The following ERMP1 variants were observed in gnomAD, a reference collection of about 807,000 sequenced individuals.
ERMP1 encodes the protein endoplasmic reticulum metallopeptidase 1.
A neutral mutation model predicts 92.0 loss-of-function variants in ERMP1; 86 were observed. The observed-to-expected ratio is 0.93, with a 90% CI of 0.79 to 1.12. The LOEUF (loss-of-function observed/expected upper bound fraction) is 1.12. Ranked by LOEUF, ERMP1 falls within the 50% of genes most tolerant of loss-of-function variation. The pLI, the probability that ERMP1 is intolerant of heterozygous loss-of-function variation, is 0.00. For missense variants in ERMP1, 1,342 were observed against 1,116.3 expected (o/e 1.20, Z -2.88); for synonymous variants, 530 against 412.8 (o/e 1.28, Z -3.44).
At chr9:5,834,743 G>GTGTGTGTGTA (rs969028907), upstream of ERMP1, among the ~76,000 whole-genome samples, 2 of 147,210 alleles carry the variant, frequency 1.4e-5, no homozygotes, top group African/African-American at 5.2e-5. Flanking sequence ...GTGTGTGTGT[G>GTGTGTGTGTA]TGTATGTCTG....
At chr9:5,847,257 G>A (rs10815292) in intron 6 of ERMP1, among the ~76,000 whole-genome samples, 72,205 of 151,914 alleles carry the variant, frequency 0.48, 20,203 homozygotes, top group South Asian at 0.67. Context: ...TGTGATGCTC[G>A]ATGTGGATGA....
chr9:5,832,962 T>C lies in ERMP1; in HGVS notation c.66A>G (p.Gly22=). 1 of 1,565,830 alleles carries C rather than the reference T, an allele frequency of 6.4e-7. No individual in the cohort carries two copies. The highest frequency in any genetic ancestry group is 8.6e-7 in the Non-Finnish European group (1 of 1,166,946). ...TCTCCGGCGGTGGCGCGGCCGCCGC[T>C]CCCTCTCGACGCTCTACTCCGACGC... The part of the protein sequence containing the change: ...RHRVGVERRE[G]AAAAPPPERE... The change falls in exon 1 of 15, where the codon GGA becomes GGG. Residue 22 remains glycine (G), a synonymous_variant. Transcript: ENST00000339450.
intron 5 of ERMP1, among the ~76,000 whole-genome samples, chr9:5,862,096 C>T (rs527877718): frequency 6.6e-6 from 1 of 152,260 alleles, no homozygotes; most frequent in South Asian, 2.1e-4. Flanking sequence ...GTGACACAAT[C>T]ATGGCTCACT....
chr9:5,831,144 T>G (rs1829923449), intron 1 of ERMP1, 116 bp from the exon 2 acceptor site: 5 of 705,798 alleles, frequency 7.1e-6, no homozygotes, highest in Non-Finnish European at 1.2e-5. Context: ...TTGCCTTATA[T>G]AAAAGGGACC....
intron 6 of ERMP1, among the ~76,000 whole-genome samples, chr9:5,844,586 A>G (rs1830211809): frequency 6.6e-6 from 1 of 152,076 alleles, no homozygotes; most frequent in Non-Finnish European, 1.5e-5. Context: ...AGCAGAGAAG[A>G]TTACAGTCAA....
rs1829530381 is a variant in ERMP1, at chr9:5,821,365, A to G, written c.874+2531T>C. Among the ~76,000 whole-genome samples the G allele has an allele frequency of 2.0e-5, 3 of 152,196 alleles. No individual in the cohort carries two copies. In the South Asian group the frequency reaches 6.2e-4, roughly 31 times the overall value. ...TTCTACCAGCAACTGCTCACCATCC[A>G]GCTAGGAGCATTATTAACAGTTTGT... On this transcript the variant is annotated intron_variant, in intron 4 of 14. Transcript: ENST00000339450.
At chr9:5,859,372 T>C (rs1467332112) in intron 6 of ERMP1, among the ~76,000 whole-genome samples, 3 of 152,078 alleles carry the variant, frequency 2.0e-5, no homozygotes, top group African/African-American at 7.2e-5. Flanking sequence ...AAGAACCATA[T>C]AGGATAATTA....
At chr9:5,846,172 A>C (rs545817935) in intron 6 of ERMP1, among the ~76,000 whole-genome samples, 1 of 152,288 alleles carries the variant, frequency 6.6e-6, no homozygotes, top group African/African-American at 2.4e-5. Flanking sequence ...GGAGCTAGGG[A>C]CAGCTTAAAG....
chr9:5,831,224 C>T (rs762730527), intron 1 of ERMP1, among the ~76,000 whole-genome samples, 196 bp from the exon 2 acceptor site: 4 of 152,158 alleles, frequency 2.6e-5, no homozygotes, highest in Admixed American at 2.6e-4. Context: ...TTGCCTCCCA[C>T]GAGTTGACCC....
At chr9:5,861,000 G>C (rs1830468822) in intron 5 of ERMP1, among the ~76,000 whole-genome samples, 1 of 152,132 alleles carries the variant, frequency 6.6e-6, no homozygotes, top group East Asian at 1.9e-4. Context: ...TGGAGTTCCA[G>C]CCTCCAGTAC....
chr9:5,857,394 C>T (rs1830390977), intron 6 of ERMP1, among the ~76,000 whole-genome samples: 2 of 152,108 alleles, frequency 1.3e-5, no homozygotes, highest in South Asian at 4.1e-4. Context: ...CGGCTGGGCA[C>T]GTGCACATCC....
chr9:5,856,086 C>G, intron 6 of ERMP1: 1 of 374,532 alleles, frequency 2.7e-6, no homozygotes. Flanking sequence ...CTGAGACAAT[C>G]TTTAAGTGTT....
At chr9:5,866,384 A>G (rs1830662609) in intron 5 of ERMP1, among the ~76,000 whole-genome samples, 1 of 152,250 alleles carries the variant, frequency 6.6e-6, no homozygotes, top group Non-Finnish European at 1.5e-5. Context: ...AAGTAGGCAG[A>G]GGATTGTTGG....
rs553425726 is a variant in ERMP1, at chr9:5,785,482, G to C, written c.*1662C>G. 5 of 152,358 alleles carry C rather than the reference G, an allele frequency of 3.3e-5. No homozygotes were observed. The highest frequency in any genetic ancestry group is 1.2e-4 in the African/African-American group (5 of 41,578). 9.4% of individuals were successfully genotyped at this position (152,358 alleles called of 1,614,324 possible). A position where few individuals can be genotyped will look rare whatever the true frequency, so the allele number is the denominator to read the frequency against. On this transcript the variant is annotated 3_prime_UTR_variant, in exon 15 of 15. Transcript: ENST00000339450. ...GACTGATTTCTACAAAGTCCAGGAA[G>C]AGCAATGATTCCAGTGTGCAGTGCT...
At chr9:5,832,494 G>GT in intron 1 of ERMP1, 196 bp downstream of exon 1, 1 of 483,794 alleles carries the variant, frequency 2.1e-6, no homozygotes, top group Non-Finnish European at 3.6e-6. Flanking sequence ...ACCGGGGACA[G>GT]GCAAGCCCCA....
In ERMP1 at chr9:5,832,996, C is replaced by A; in HGVS notation, c.32G>T (p.Arg11Met). The A allele has an allele frequency of 6.4e-7, 1 of 1,558,820 alleles. No individual in the cohort carries two copies. Among genetic ancestry groups the A allele is most frequent in the Non-Finnish European group, 8.6e-7 (1 of 1,163,386 alleles). ...ACGCTCTACTCCGACGCGGTGCCGCCTCACAGCAGCCGACTCAGAACCCCA... is the reference window on the plus strand; with the variant it reads ...ACGCTCTACTCCGACGCGGTGCCGCATCACAGCAGCCGACTCAGAACCCCA... MEWGSESAAVRRHRVGVERRE... is the reference protein window; with the variant it reads MEWGSESAAVMRHRVGVERRE... Residue 11 changes from arginine (R) to methionine (M), a missense_variant, in exon 1 of 15, where the codon AGG (arginine) becomes ATG (methionine). Physicochemically the swap from Arg to Met is moderately conservative, Grantham distance 91. Coordinates refer to ENST00000339450, the MANE Select transcript of ERMP1 (RefSeq NM_024896.3).
rs893278366 is a variant in ERMP1 at position 5,786,215 on chromosome 9, C to A, written c.*929G>T. ...GACTAACCTTGTATAACACAAGACT[C>A]CTATGAAACAAAGAAAAGAGAATAA... On this transcript the variant is annotated 3_prime_UTR_variant, in exon 15 of 15. Transcript: ENST00000339450. 2 of 152,156 alleles carry A rather than the reference C, an allele frequency of 1.3e-5. No homozygotes were observed. Among genetic ancestry groups the A allele is most frequent in the Non-Finnish European group, 2.9e-5 (2 of 68,040 alleles). 9.4% of individuals were successfully genotyped at this position (152,156 alleles called of 1,614,324 possible).
At chr9:5,804,463 G>A (rs1381192937) in intron 10 of ERMP1, among the ~76,000 whole-genome samples, 1 of 152,192 alleles carries the variant, frequency 6.6e-6, no homozygotes, top group Admixed American at 6.5e-5. Context: ...GCAAAATGAG[G>A]ACTGACAAGG....
Position 5,811,146 on chromosome 9 carries a change from TACAAAACAAC to T in ERMP1, c.1282_1291del (p.Val428ThrfsTer28). ...GGGCTGCAAAAATTTTTTGCCCAGG[TACAAAACAAC>T]ACCCATTACCACCATGTAGTTTATG... On this transcript the variant is annotated frameshift_variant, in exon 7 of 15. Coordinates refer to ENST00000339450, the MANE Select transcript of ERMP1 (RefSeq NM_024896.3). LOFTEE classifies it high-confidence loss of function. 6.2e-7 allele frequency: 1 copy of T among 1,613,898 alleles called. No individual in the cohort carries two copies.
Sources: gnomAD v4.1 joint callset for allele counts (sites outside exome capture counted in the v4.1 genomes callset) on GRCh38, gnomAD v4.1.1 for gene constraint, MANE v1.5 for transcripts, NCBI Gene and HGNC (gene_info 2026-07-23, HGNC 2026-07-21) for gene names.